PPFIA2: variants seen among roughly 807,000 people sequenced by gnomAD.
PPFIA2 encodes the protein PPFI scaffold protein A2.
A neutral mutation model predicts 175.5 loss-of-function variants in PPFIA2; 46 were observed. The ratio of observed to expected loss-of-function variants is 0.26; its 90% CI spans 0.21 to 0.34. The LOEUF is 0.34. PPFIA2 is among the 10% of genes least tolerant of loss of function. The pLI is 1.00. For missense variants in PPFIA2, 1,179 were observed against 1,506.1 expected, an observed-to-expected ratio of 0.78 and a Z score of 3.60; for synonymous variants, 568 against 511.4, an observed-to-expected ratio of 1.11 and a Z score of -1.49.
chr12:81,348,616 A>T (rs1438441187), intron 17 of PPFIA2, among the ~76,000 whole-genome samples: 2 of 152,060 alleles, frequency 1.3e-5, no homozygotes, highest in African/African-American at 2.4e-5. Flanking sequence ...CATGCCTGTA[A>T]TCCCAGCTAC....
In PPFIA2 at chr12:81,473,192, G is replaced by A. The variant is rs1382304308; in HGVS notation, c.304-15326C>T. ...GGGGGCTGAGGTGCGTGGATCACCT[G>A]CTGTCAAGAGTTCCAGACCAGCCTG... is the stretch of plus-strand genomic sequence containing the variant. On this transcript the variant is annotated intron_variant, in intron 4 of 32. Transcript: ENST00000549396. Among the ~76,000 whole-genome samples the A allele has an allele frequency of 3.3e-5, 5 of 152,276 alleles. No homozygotes were observed. In the East Asian group the frequency reaches 9.7e-4, roughly 29 times the overall value.
intron 4 of PPFIA2, among the ~76,000 whole-genome samples, chr12:81,599,877 T>C (rs546397759): frequency 6.6e-6 from 1 of 152,072 alleles, no homozygotes; most frequent in South Asian, 2.1e-4. Flanking sequence ...TCATACATGT[T>C]TGCCTGTTTT....
rs768428612 is a variant in PPFIA2, at chr12:81,676,787, T to A, written c.303+4A>T. ...AGTTAAATTTAATGAAGAATCTAAC[T>A]TACCGGTGGATCAGCCCCCTTAGAA... is the stretch of plus-strand genomic sequence containing the variant. On this transcript the variant is annotated splice_donor_region_variant and intron_variant, in intron 4 of 32. Coordinates refer to ENST00000549396, the MANE Select transcript of PPFIA2 (RefSeq NM_003625.5). 1 of 1,552,320 alleles carries A rather than the reference T, an allele frequency of 6.4e-7. No individual in the cohort carries two copies. Among genetic ancestry groups the A allele is most frequent in the South Asian group, 1.2e-5 (1 of 82,326 alleles).
chr12:81,588,373 T>G (rs537900250), intron 4 of PPFIA2, among the ~76,000 whole-genome samples: 2 of 152,092 alleles, frequency 1.3e-5, no homozygotes, highest in African/African-American at 4.8e-5. Context: ...TAATTCTGTG[T>G]AAGTGAATGT....
At chr12:81,478,776 G>C (rs2057810073) in intron 4 of PPFIA2, among the ~76,000 whole-genome samples, 1 of 152,152 alleles carries the variant, frequency 6.6e-6, no homozygotes, top group African/African-American at 2.4e-5. Flanking sequence ...ACTGTGGTCT[G>C]AGAGACGGTT....
intron 4 of PPFIA2, among the ~76,000 whole-genome samples, chr12:81,461,909 G>A (rs111266131): frequency 1.1e-3 from 170 of 151,648 alleles, no homozygotes; most frequent in African/African-American, 5.3e-4. Context: ...TTATGTGTTC[G>A]TCTCCTCCAC....
intron 3 of PPFIA2, among the ~76,000 whole-genome samples, chr12:81,747,022 G>A (rs2083151324): frequency 7.0e-6 from 1 of 143,836 alleles, no homozygotes; most frequent in Admixed American, 7.4e-5. Context: ...ACATATATGA[G>A]TGTACTTTAT....
intron 22 of PPFIA2, among the ~76,000 whole-genome samples, chr12:81,317,121 GATA>G (rs2139411888): frequency 6.6e-6 from 1 of 151,638 alleles, no homozygotes; most frequent in African/African-American, 2.4e-5. Flanking sequence ...ATATAAAATA[GATA>G]ATGTCATTAG....
intron 8 of PPFIA2, among the ~76,000 whole-genome samples, chr12:81,389,278 T>G (rs1265565720): frequency 2.0e-5 from 3 of 151,198 alleles, no homozygotes; most frequent in Non-Finnish European, 4.4e-5. Flanking sequence ...TTGTTCCAAT[T>G]CTGTGCACCT....
intron 3 of PPFIA2, among the ~76,000 whole-genome samples, chr12:81,700,037 T>C (rs1234996381): frequency 6.6e-6 from 1 of 152,030 alleles, no homozygotes; most frequent in African/African-American, 2.4e-5. Flanking sequence ...ATGAAAATAT[T>C]GGACTTTCCC....
intron 4 of PPFIA2, among the ~76,000 whole-genome samples, chr12:81,503,740 A>T (rs573586099): frequency 6.6e-6 from 1 of 152,238 alleles, no homozygotes; most frequent in South Asian, 2.1e-4. Flanking sequence ...TAAATTTTAT[A>T]TTTAAAAATT....
intron 22 of PPFIA2, among the ~76,000 whole-genome samples, chr12:81,318,173 C>T (rs2052833050): frequency 1.3e-5 from 2 of 151,634 alleles, no homozygotes; most frequent in South Asian, 2.1e-4. Context: ...CTATTTCTAC[C>T]AGTCTTTGAG....
intron 8 of PPFIA2, among the ~76,000 whole-genome samples, chr12:81,403,611 T>C (rs991351882): frequency 6.6e-6 from 1 of 152,106 alleles, no homozygotes; most frequent in African/African-American, 2.4e-5. Context: ...AGATAAGATC[T>C]CAGGAGTTGG....
At chr12:81,598,318 T>C in intron 4 of PPFIA2, 2 of 1,162,714 alleles carry the variant, frequency 1.7e-6, no homozygotes, top group South Asian at 2.4e-5. Flanking sequence ...GAACCAACGA[T>C]AAATGGAGCT....
intron 22 of PPFIA2, among the ~76,000 whole-genome samples, chr12:81,310,301 A>G (rs2050445623): frequency 6.6e-6 from 1 of 152,094 alleles, no homozygotes; most frequent in Admixed American, 6.5e-5. Context: ...TTCCTATGTC[A>G]TCTTCACTAT....
chr12:81,341,294 T>C (rs1231394946), intron 19 of PPFIA2, 86 bp from the exon 20 acceptor site: 1 of 1,320,692 alleles, frequency 7.6e-7, no homozygotes, highest in African/African-American at 1.5e-5. Context: ...AGAACAAGGC[T>C]GTCGAGTAAT....
chr12:81,490,160 A>G (rs571402257), intron 4 of PPFIA2, among the ~76,000 whole-genome samples: 2 of 152,026 alleles, frequency 1.3e-5, no homozygotes, highest in Non-Finnish European at 2.9e-5. Flanking sequence ...CAAATTTACT[A>G]TGTTTGTGAA....
intron 14 of PPFIA2, among the ~76,000 whole-genome samples, chr12:81,364,136 G>T (rs1335098302): frequency 1.3e-5 from 2 of 151,774 alleles, no homozygotes; most frequent in Non-Finnish European, 2.9e-5. Context: ...AGACTCTTAG[G>T]AAAAGGCATG....
chr12:81,674,897 C>T (rs1451164872), intron 4 of PPFIA2, among the ~76,000 whole-genome samples: 1 of 151,876 alleles, frequency 6.6e-6, no homozygotes, highest in East Asian at 2.0e-4. Flanking sequence ...TTACATAGCT[C>T]CCGGCAGTAT....
Sources: gnomAD v4.1 joint callset for allele counts (sites outside exome capture counted in the v4.1 genomes callset) on GRCh38, gnomAD v4.1.1 for gene constraint, MANE v1.5 for transcripts, NCBI Gene and HGNC (gene_info 2026-07-23, HGNC 2026-07-21) for gene names.